GALNT10: variants seen among roughly 807,000 people sequenced by gnomAD.
GALNT10 encodes the protein GalNAc transferase 10.
In GALNT10, 41 loss-of-function variants were observed where a neutral mutation model predicts 75.0. The ratio of observed to expected loss-of-function variants is 0.55; its 90% CI spans 0.43 to 0.71. The LOEUF (loss-of-function observed/expected upper bound fraction) is 0.71, where lower values mean the gene tolerates loss of function less well. Among genes scored for constraint, GALNT10 ranks in the 30% least tolerant of loss-of-function variants. GALNT10 has a pLI of 0.00. For synonymous variants in GALNT10, 302 were observed against 313.0 expected (o/e 0.96, Z 0.37); for missense variants, 727 against 818.5 (o/e 0.89, Z 1.36).
rs71577131 is a variant in GALNT10 at position 154,290,258 on chromosome 5, ATT to A, written c.160-4534_160-4533del. On this transcript the variant is annotated intron_variant, in intron 1 of 11. Coordinates refer to ENST00000297107, the MANE Select transcript of GALNT10 (RefSeq NM_198321.4). ...AGGTGTGTGCCATGACACTCAGCTAATTTTTTTTTTTTTTTTTTTTTTTTTGT... is the reference window on the plus strand; with the variant it reads ...AGGTGTGTGCCATGACACTCAGCTAATTTTTTTTTTTTTTTTTTTTTTTGT... Among the ~76,000 whole-genome samples, 551 of 98,838 alleles carry A rather than the reference ATT, an allele frequency of 5.6e-3. 1 individual carries two copies. Among genetic ancestry groups the A allele is most frequent in the African/African-American group, 0.021 (530 of 24,754 alleles). The allele number at this position is 98,838 out of a possible 152,430, so 64.8% of individuals were successfully genotyped here.
chr5:154,260,952 C>T (rs1480045345), intron 1 of GALNT10, among the ~76,000 whole-genome samples: 1 of 152,090 alleles, frequency 6.6e-6, no homozygotes, highest in Non-Finnish European at 1.5e-5. Flanking sequence ...GCTTTATGAA[C>T]CAGCCTCTGC....
intron 3 of GALNT10, among the ~76,000 whole-genome samples, chr5:154,310,334 A>G (rs559448747): frequency 6.6e-6 from 1 of 152,222 alleles, no homozygotes; most frequent in African/African-American, 2.4e-5. Flanking sequence ...GTAGGTTGTT[A>G]GCGAGGCTGT....
chr5:154,234,921 A>G (rs1206959149), intron 1 of GALNT10, among the ~76,000 whole-genome samples: 1 of 152,238 alleles, frequency 6.6e-6, no homozygotes, highest in Non-Finnish European at 1.5e-5. Context: ...AGGAGAGTGG[A>G]CTAGACACCC....
At chr5:154,372,038 T>C (rs1755580813) in intron 4 of GALNT10, among the ~76,000 whole-genome samples, 4 of 152,210 alleles carry the variant, frequency 2.6e-5, no homozygotes, top group Admixed American at 2.6e-4. Flanking sequence ...AGGTTCATCA[T>C]TCTATTCTAC....
Position 154,376,367 on chromosome 5 carries a change from C to A in GALNT10, c.659C>A (p.Thr220Asn). ...RTKKREGLIR[T>N]RMLGASVATG... ...AAGAAACGGGAAGGGCTGATAAGGA[C>A]CCGAATGCTGGGGGCCTCAGTGGCA... Residue 220 changes from threonine (T) to asparagine (N), a missense_variant, in exon 5 of 12, where the codon ACC becomes AAC. Transcript: ENST00000297107. The surrounding 1 kb of genome is among the most constrained non-coding windows in gnomAD (Gnocchi z 4.1). 6.2e-7 allele frequency: 1 copy of A among 1,610,742 alleles called. No individual in the cohort carries two copies. The highest frequency in any genetic ancestry group is 8.5e-7 in the Non-Finnish European group (1 of 1,178,502).
chr5:154,254,916 C>T (rs1188108897), intron 1 of GALNT10, among the ~76,000 whole-genome samples: 1 of 152,142 alleles, frequency 6.6e-6, no homozygotes, highest in African/African-American at 2.4e-5. Flanking sequence ...CTATCATCCT[C>T]TGCATGTCTG....
intron 4 of GALNT10, among the ~76,000 whole-genome samples, chr5:154,334,602 A>G (rs1428926584): frequency 6.6e-6 from 1 of 152,214 alleles, no homozygotes; most frequent in African/African-American, 2.4e-5. Flanking sequence ...GTTATGTGGT[A>G]ATGGAAAGAA....
At chr5:154,210,187 C>T (rs890407888) in intron 1 of GALNT10, among the ~76,000 whole-genome samples, 2 of 152,138 alleles carry the variant, frequency 1.3e-5, no homozygotes, top group African/African-American at 2.4e-5. Context: ...AAACTCCACC[C>T]CTGGCCCCCT....
chr5:154,307,678 C>A (rs1169732868), intron 3 of GALNT10, among the ~76,000 whole-genome samples: 1 of 149,926 alleles, frequency 6.7e-6, no homozygotes, highest in Non-Finnish European at 1.5e-5. Flanking sequence ...TTAAAGAGGA[C>A]GGGGTACTTT....
intron 4 of GALNT10, among the ~76,000 whole-genome samples, chr5:154,363,253 T>C (rs773701037): frequency 1.3e-5 from 2 of 152,144 alleles, no homozygotes; most frequent in Non-Finnish European, 2.9e-5. Context: ...GCACAGCTTG[T>C]CACTCAGATG....
intron 1 of GALNT10, among the ~76,000 whole-genome samples, chr5:154,247,436 C>G (rs1189247070): frequency 6.6e-6 from 1 of 152,194 alleles, no homozygotes; most frequent in Non-Finnish European, 1.5e-5. Flanking sequence ...ATTCTTCCTA[C>G]CCGTGAGCAT....
chr5:154,282,273 T>G (rs1754050202), intron 1 of GALNT10, among the ~76,000 whole-genome samples: 1 of 152,152 alleles, frequency 6.6e-6, no homozygotes, highest in African/African-American at 2.4e-5. Context: ...AATCACATCT[T>G]AAAGGTTCCA....
chr5:154,376,485 G>T lies in GALNT10; in HGVS notation c.754+23G>T. 1 of 1,543,198 alleles carries T rather than the reference G, an allele frequency of 6.5e-7. No homozygotes were observed. Among genetic ancestry groups the T allele is most frequent in the Non-Finnish European group, 8.7e-7 (1 of 1,147,534 alleles). On this transcript the variant is annotated intron_variant, in intron 5 of 11. Coordinates refer to ENST00000297107, the MANE Select transcript of GALNT10 (RefSeq NM_198321.4). This position sits in a 1 kb window ranked among gnomAD's most constrained non-coding sequence, Gnocchi z 4.1. Reference sequence around the variant, plus strand: ...TTGGTAAGGGAGCCCCTCCCACTTGGAGGGAGGCAAACTGCAATGAGCCAG... The same window carrying T: ...TTGGTAAGGGAGCCCCTCCCACTTGTAGGGAGGCAAACTGCAATGAGCCAG...
chr5:154,199,940 A>C (rs1426094953), intron 1 of GALNT10, among the ~76,000 whole-genome samples: 1 of 152,182 alleles, frequency 6.6e-6, no homozygotes, highest in Non-Finnish European at 1.5e-5. Flanking sequence ...ATTAAATAAC[A>C]GTTGTGAGGA....
At chr5:154,222,599 G>A (rs1336704368) in intron 1 of GALNT10, among the ~76,000 whole-genome samples, 1 of 152,108 alleles carries the variant, frequency 6.6e-6, no homozygotes, top group South Asian at 2.1e-4. Flanking sequence ...TAAGAGTCTG[G>A]CTGCTCCGCA....
chr5:154,267,390 G>A (rs1042234889), intron 1 of GALNT10, among the ~76,000 whole-genome samples: 2 of 152,124 alleles, frequency 1.3e-5, no homozygotes, highest in African/African-American at 2.4e-5. Flanking sequence ...AATTGAATTC[G>A]GTGATCTGCT....
chr5:154,297,149 A>AC (rs150369512), intron 2 of GALNT10, among the ~76,000 whole-genome samples: 2,372 of 152,224 alleles, frequency 0.016, 45 homozygotes, highest in African/African-American at 0.053. Flanking sequence ...TACCATATGC[A>AC]CCTGGGAACC....
At position 154,337,723 on chromosome 5, in the gene GALNT10, C is replaced by T; in HGVS notation, c.568+7985C>T. On this transcript the variant is annotated intron_variant, in intron 4 of 11. Coordinates refer to ENST00000297107, the MANE Select transcript of GALNT10 (RefSeq NM_198321.4). ...TAGCCATCCCCACCGCCACCATATC[C>T]ACCACCACCATGGCTGCCACCAAAG... 24 of 1,229,532 alleles carry T rather than the reference C, an allele frequency of 2.0e-5. No homozygotes were observed. The South Asian group carries it at 2.5e-4, about 13-fold the overall frequency. The allele number at this position is 1,229,532 out of a possible 1,614,324, so 76.2% of individuals were successfully genotyped here.
chr5:154,243,693 C>T (rs982161074), intron 1 of GALNT10, among the ~76,000 whole-genome samples: 1 of 152,182 alleles, frequency 6.6e-6, no homozygotes, highest in African/African-American at 2.4e-5. Flanking sequence ...TAAATAGGGT[C>T]TGTCACAGAG....
Sources: allele counts gnomAD v4.1 joint callset (sites outside exome capture counted in the v4.1 genomes callset), GRCh38; gene constraint gnomAD v4.1.1; non-coding constraint Gnocchi (gnomAD v3.1); transcripts MANE v1.5; gene names NCBI Gene and HGNC (gene_info 2026-07-23, HGNC 2026-07-21).